Variants in KCNK13 observed in about 807,000 individuals in gnomAD.
The protein encoded by KCNK13 is potassium two pore domain channel subfamily K member 13.
A neutral mutation model predicts 23.4 loss-of-function variants in KCNK13; 12 were observed. That is an observed-to-expected ratio of 0.51 (90% CI 0.33 to 0.83). The LOEUF (loss-of-function observed/expected upper bound fraction) is 0.83, where lower values mean the gene tolerates loss of function less well. Among genes scored for constraint, KCNK13 ranks in the 40% least tolerant of loss-of-function variants. The pLI, the probability that KCNK13 is intolerant of heterozygous loss-of-function variation, is 0.02. For synonymous variants in KCNK13, 231 were observed against 229.5 expected (o/e 1.01, Z -0.06); for missense variants, 463 against 556.3 (o/e 0.83, Z 1.69).
chr14:90,123,185 A>G (rs1056702195), intron 1 of KCNK13, among the ~76,000 whole-genome samples: 3 of 152,240 alleles, frequency 2.0e-5, no homozygotes, highest in African/African-American at 7.2e-5. Flanking sequence ...TACTTCCTTC[A>G]AATCTGTATC....
At chr14:90,146,133 G>A (rs1001700835) in intron 1 of KCNK13, among the ~76,000 whole-genome samples, 2 of 152,118 alleles carry the variant, frequency 1.3e-5, no homozygotes, top group African/African-American at 4.8e-5. Context: ...CTTCAAGTAT[G>A]TTGAATCTCT....
At chr14:90,124,321 A>C (rs1461353898) in intron 1 of KCNK13, among the ~76,000 whole-genome samples, 1 of 152,254 alleles carries the variant, frequency 6.6e-6, no homozygotes, top group Non-Finnish European at 1.5e-5. Flanking sequence ...GACAGGTTCC[A>C]TTCCCTGGAA....
intron 1 of KCNK13, among the ~76,000 whole-genome samples, chr14:90,105,542 C>T (rs1294715963): frequency 6.6e-6 from 1 of 152,156 alleles, no homozygotes; most frequent in Non-Finnish European, 1.5e-5. Flanking sequence ...ACCACCAACC[C>T]TGTGGCCCTG....
chr14:90,079,061 T>G (rs1296505552), intron 1 of KCNK13, among the ~76,000 whole-genome samples: 2 of 152,194 alleles, frequency 1.3e-5, no homozygotes, highest in African/African-American at 2.4e-5. Context: ...CTGTGGGGAC[T>G]GCACAAAGTC....
chr14:90,063,794 C>T (rs1289070305), intron 1 of KCNK13, among the ~76,000 whole-genome samples: 1 of 152,188 alleles, frequency 6.6e-6, no homozygotes, highest in East Asian at 1.9e-4. Flanking sequence ...TCAGATTCAT[C>T]ATGAAAGACT....
intron 1 of KCNK13, among the ~76,000 whole-genome samples, chr14:90,166,034 C>G (rs1890298759): frequency 6.6e-6 from 1 of 152,092 alleles, no homozygotes; most frequent in South Asian, 2.1e-4. Context: ...TTTATCATAC[C>G]CTCGTTTTCA....
chr14:90,107,255 A>G (rs539402662), intron 1 of KCNK13, among the ~76,000 whole-genome samples: 20 of 152,112 alleles, frequency 1.3e-4, no homozygotes, highest in Non-Finnish European at 2.6e-4. Context: ...CAAGGTGGGC[A>G]GATCACGAGG....
At chr14:90,111,344 C>T (rs569996941) in intron 1 of KCNK13, among the ~76,000 whole-genome samples, 2 of 152,152 alleles carry the variant, frequency 1.3e-5, no homozygotes, top group Non-Finnish European at 2.9e-5. Context: ...GCCACTTATA[C>T]ATTTATTCAC....
intron 1 of KCNK13, among the ~76,000 whole-genome samples, chr14:90,112,539 T>C (rs187344231): frequency 6.6e-6 from 1 of 152,234 alleles, no homozygotes; most frequent in East Asian, 1.9e-4. Context: ...GGAAATATAA[T>C]AGTTAAAATT....
At chr14:90,144,840 A>G (rs1215332173) in intron 1 of KCNK13, among the ~76,000 whole-genome samples, 3 of 152,134 alleles carry the variant, frequency 2.0e-5, no homozygotes, top group Non-Finnish European at 4.4e-5. Context: ...TGTCGAATAG[A>G]AATGGTGAGA....
At chr14:90,073,611 G>A (rs1269034567) in intron 1 of KCNK13, among the ~76,000 whole-genome samples, 2 of 152,164 alleles carry the variant, frequency 1.3e-5, no homozygotes, top group Non-Finnish European at 2.9e-5. Context: ...GGGGTTCATG[G>A]TATTTTAAGG....
chr14:90,088,307 G>C (rs1041848892), intron 1 of KCNK13, among the ~76,000 whole-genome samples: 1 of 151,900 alleles, frequency 6.6e-6, no homozygotes, highest in South Asian at 2.1e-4. Flanking sequence ...TGATGAGTTG[G>C]TAAATGTTTA....
chr14:90,178,818 C>CT (rs1890453809), intron 1 of KCNK13, among the ~76,000 whole-genome samples: 2 of 151,842 alleles, frequency 1.3e-5, no homozygotes, highest in Non-Finnish European at 2.9e-5. Flanking sequence ...ATACACAATG[C>CT]TTTTTTCTAC....
rs552113148 is a variant in KCNK13, at chr14:90,140,810, G to T, written c.335-43301G>T. Among the ~76,000 whole-genome samples the T allele has an allele frequency of 6.6e-5, 10 of 152,310 alleles. No homozygotes were observed. The East Asian group carries it at 1.9e-3, about 29-fold the overall frequency. ...AAGGTCATTGTCTCCCCGGGGCGCA[G>T]TGGATGTTTTAATGATCATTCCTCT... On this transcript the variant is annotated intron_variant, in intron 1 of 1. Coordinates refer to ENST00000282146, the MANE Select transcript of KCNK13 (RefSeq NM_022054.4).
chr14:90,147,513 A>C (rs1890087346), intron 1 of KCNK13, among the ~76,000 whole-genome samples: 2 of 151,980 alleles, frequency 1.3e-5, no homozygotes, highest in Non-Finnish European at 2.9e-5. Flanking sequence ...TTAACATTTT[A>C]ATTATGGCAG....
intron 1 of KCNK13, among the ~76,000 whole-genome samples, chr14:90,179,168 A>C (rs1337325633): frequency 1.3e-5 from 2 of 152,180 alleles, no homozygotes; most frequent in Non-Finnish European, 2.9e-5. Context: ...ATCTGGGATT[A>C]ACTTTACAAT....
At chr14:90,145,050 G>C (rs553303196) in intron 1 of KCNK13, among the ~76,000 whole-genome samples, 5 of 152,210 alleles carry the variant, frequency 3.3e-5, no homozygotes, top group African/African-American at 1.2e-4. Context: ...CATCTACTGA[G>C]TGATTACATG....
At chr14:90,115,000 GCT>G (rs943504339) in intron 1 of KCNK13, among the ~76,000 whole-genome samples, 2 of 152,174 alleles carry the variant, frequency 1.3e-5, no homozygotes, top group African/African-American at 4.8e-5. Flanking sequence ...GGCAAAACCA[GCT>G]CTCTTGTTTG....
At chr14:90,085,696 T>A (rs943439104) in intron 1 of KCNK13, among the ~76,000 whole-genome samples, 1 of 141,952 alleles carries the variant, frequency 7.0e-6, no homozygotes, top group African/African-American at 2.6e-5. Context: ...TTTATGTATA[T>A]AAATTTATAT....
Sources: gnomAD v4.1 joint callset for allele counts (sites outside exome capture counted in the v4.1 genomes callset) on GRCh38, gnomAD v4.1.1 for gene constraint, MANE v1.5 for transcripts, NCBI Gene and HGNC (gene_info 2026-07-23, HGNC 2026-07-21) for gene names.